Variants in RAPGEF2 observed in about 807,000 individuals in gnomAD.
RAPGEF2 encodes the protein PDZ domain containing guanine nucleotide exchange factor (GEF) 1.
Under a neutral mutation model 186.7 loss-of-function variants are expected in RAPGEF2, and 54 were observed. The ratio of observed to expected loss-of-function variants is 0.29; its 90% CI spans 0.23 to 0.36. The LOEUF is 0.36. RAPGEF2 is among the 10% of genes least tolerant of loss of function. RAPGEF2 has a pLI of 1.00. For missense variants in RAPGEF2, 1,532 were observed against 2,045.0 expected (o/e 0.75, Z 4.84); for synonymous variants, 712 against 705.9 (o/e 1.01, Z -0.14).
At chr4:159,176,075 C>T (rs1453656078) in intron 1 of RAPGEF2, among the ~76,000 whole-genome samples, 4 of 152,156 alleles carry the variant, frequency 2.6e-5, no homozygotes, top group Admixed American at 2.6e-4. Flanking sequence ...TTTAGAGGCT[C>T]AGAAAGGAAG....
chr4:159,171,417 A>C (rs879553172), intron 1 of RAPGEF2, among the ~76,000 whole-genome samples: 1 of 152,146 alleles, frequency 6.6e-6, no homozygotes, highest in African/African-American at 2.4e-5. Flanking sequence ...AGCCACAGAG[A>C]GGTTGAGTGA....
chr4:159,262,477 C>G (rs989224807), intron 7 of RAPGEF2, among the ~76,000 whole-genome samples: 2 of 152,170 alleles, frequency 1.3e-5, no homozygotes, highest in African/African-American at 4.8e-5. Flanking sequence ...AAGGACTCCA[C>G]CTCTGAAACC....
chr4:159,314,408 A>AG (rs1764304410), intron 8 of RAPGEF2, among the ~76,000 whole-genome samples, 183 bp from the exon 9 acceptor site: 1 of 152,228 alleles, frequency 6.6e-6, no homozygotes, highest in Admixed American at 6.5e-5. Flanking sequence ...ATTTAATAGG[A>AG]GGTGGAATCA....
At chr4:159,333,349 T>C (rs756749336) in intron 17 of RAPGEF2, among the ~76,000 whole-genome samples, 30 of 152,222 alleles carry the variant, frequency 2.0e-4, no homozygotes, top group Non-Finnish European at 3.8e-4. Context: ...TTGCTTTTTC[T>C]ACTGTATTTT....
At chr4:159,129,113 A>C (rs1740718795) in intron 1 of RAPGEF2, among the ~76,000 whole-genome samples, 1 of 151,740 alleles carries the variant, frequency 6.6e-6, no homozygotes, top group Admixed American at 6.6e-5. Context: ...TTAGACATGG[A>C]GGCAGAAACT....
intron 3 of RAPGEF2, among the ~76,000 whole-genome samples, chr4:159,207,779 T>C (rs1419010713): frequency 6.6e-6 from 1 of 152,218 alleles, no homozygotes. Context: ...TTTTCCCGCT[T>C]TCTGTTTTAG....
intron 4 of RAPGEF2, chr4:159,229,280 T>G (rs1055349174): frequency 1.3e-5 from 2 of 152,190 alleles, no homozygotes; most frequent in East Asian, 3.8e-4. Flanking sequence ...GAGAATTGCA[T>G]TCCACTGGGT....
Position 159,322,458 on chromosome 4 carries a change from C to G in RAPGEF2, c.965C>G (p.Thr322Ser). The change falls in exon 10 of 30, where the codon ACC becomes AGC. Residue 322 changes from threonine (T) to serine (S), a missense_variant. Physicochemically the swap from Thr to Ser is moderately conservative, Grantham distance 58 (BLOSUM62 1). This residue lies in a region of RAPGEF2 where 810 missense variants were observed against 1,210.5 expected (regional missense o/e 0.67). Transcript: ENST00000691494. ...TTCGCAGTGGTGGAAAGAGCAGGGA[C>G]CATAGTGTTAAATGATGGTGAAGAG... ...MVFAVVERAG[T>S]IVLNDGEELD... The G allele has an allele frequency of 6.2e-7, 1 of 1,613,628 alleles. No homozygotes were observed. Among genetic ancestry groups the G allele is most frequent in the East Asian group, 2.2e-5 (1 of 44,860 alleles).
chr4:159,216,704 C>T (rs561908923), intron 4 of RAPGEF2, among the ~76,000 whole-genome samples: 62 of 152,210 alleles, frequency 4.1e-4, no homozygotes, highest in African/African-American at 1.1e-3. Flanking sequence ...TAAATTAGGT[C>T]TCAGGTAACA....
intron 25 of RAPGEF2, 110 bp from the exon 26 acceptor site, chr4:159,350,026 AC>A: frequency 1.6e-6 from 1 of 611,664 alleles, no homozygotes; most frequent in African/African-American, 1.9e-5. Flanking sequence ...AATAGGTTGA[AC>A]CTCAGTGTAA....
At chr4:159,247,857 G>T (rs1754834269) in intron 7 of RAPGEF2, among the ~76,000 whole-genome samples, 1 of 147,726 alleles carries the variant, frequency 6.8e-6, no homozygotes, top group South Asian at 2.1e-4. Flanking sequence ...CTGCCTCCTG[G>T]GTTCCAGCGA....
intron 1 of RAPGEF2, among the ~76,000 whole-genome samples, chr4:159,184,872 T>G (rs1036172085): frequency 6.6e-6 from 1 of 152,198 alleles, no homozygotes; most frequent in Admixed American, 6.5e-5. Context: ...TTTTATGGTT[T>G]TAGGTCTAAC....
At position 159,292,433 on chromosome 4, in the gene RAPGEF2, A is replaced by G. The variant is rs1440050024; in HGVS notation, c.544-11909A>G. On this transcript the variant is annotated intron_variant, in intron 7 of 29. Transcript: ENST00000691494. ...TAAGCAGGGAAACCTTTCACACCCT[A>G]TATCCTGGATACTTAATTAATTTTT... Among the ~76,000 whole-genome samples the G allele has an allele frequency of 2.6e-5, 4 of 152,146 alleles. No individual in the cohort carries two copies. The East Asian group carries it at 5.8e-4, about 22-fold the overall frequency.
intron 9 of RAPGEF2, among the ~76,000 whole-genome samples, chr4:159,316,035 C>G (rs1764553752): frequency 6.6e-6 from 1 of 152,152 alleles, no homozygotes; most frequent in South Asian, 2.1e-4. Context: ...CGGTGTTTTT[C>G]CATGACACTG....
rs1163922729 is a variant in RAPGEF2 at position 159,265,560 on chromosome 4, T to G, written c.543+21769T>G. On this transcript the variant is annotated intron_variant, in intron 7 of 29. Transcript: ENST00000691494. ...GAGCATGGTGTAAGTCTGGAAAATG[T>G]ATAAATCTTGCAGATCATGATAAGA... 3.9e-5 allele frequency among the ~76,000 whole-genome samples: 6 copies of G among 152,320 alleles called. No individual in the cohort carries two copies. The East Asian group carries it at 1.2e-3, about 29-fold the overall frequency.
At chr4:159,182,019 T>A (rs933163284) in intron 1 of RAPGEF2, among the ~76,000 whole-genome samples, 1 of 152,210 alleles carries the variant, frequency 6.6e-6, no homozygotes. Context: ...CCTGATTGCT[T>A]TTCTAAAGGA....
chr4:159,267,722 G>C, intron 7 of RAPGEF2: 1 of 1,010,404 alleles, frequency 9.9e-7, no homozygotes, highest in East Asian at 9.4e-5. Flanking sequence ...ATACCACCCT[G>C]ACTAATATAA....
chr4:159,250,520 A>AT (rs930415051), intron 7 of RAPGEF2, among the ~76,000 whole-genome samples: 1 of 152,130 alleles, frequency 6.6e-6, no homozygotes, highest in Non-Finnish European at 1.5e-5. Flanking sequence ...GGCTGTCTTG[A>AT]TTTTTACTCA....
intron 1 of RAPGEF2, among the ~76,000 whole-genome samples, chr4:159,112,863 A>G (rs1290420753): frequency 6.6e-6 from 1 of 152,196 alleles, no homozygotes; most frequent in Non-Finnish European, 1.5e-5. Context: ...TAAAGGAAAA[A>G]ATCAATACTT....
Sources: gnomAD v4.1 joint callset for allele counts (sites outside exome capture counted in the v4.1 genomes callset) on GRCh38, gnomAD v4.1.1 for gene constraint, gnomAD v4.1.1 regional missense constraint, MANE v1.5 for transcripts, NCBI Gene and HGNC (gene_info 2026-07-23, HGNC 2026-07-21) for gene names.